The following CTU1 variants were observed in gnomAD, a reference collection of about 807,000 sequenced individuals.
CTU1 encodes the protein cytoplasmic tRNA 2-thiolation protein 1.
CTU1 carries 15 observed loss-of-function variants against 12.9 expected under a neutral mutation model. The ratio of observed to expected loss-of-function variants is 1.16; its 90% CI spans 0.78 to 1.79. The LOEUF is 1.79. CTU1 is among the 40% of genes most tolerant of loss of function. The pLI, the probability that CTU1 is intolerant of heterozygous loss-of-function variation, is 0.00. For missense variants in CTU1, 553 were observed against 550.5 expected (o/e 1.00, Z -0.05); for synonymous variants, 295 against 275.6 (o/e 1.07, Z -0.70).
At position 51,104,599 on chromosome 19, in the gene CTU1, GGAGA is replaced by G. The variant is rs1235429718; in HGVS notation, c.-21-13_-21-10del. 5.7e-6 allele frequency: 7 copies of G among 1,234,942 alleles called. No individual in the cohort carries two copies. Among genetic ancestry groups the G allele is most frequent in the Non-Finnish European group, 7.1e-6 (7 of 988,554 alleles). The allele number at this position is 1,234,942 out of a possible 1,614,324, so 76.5% of individuals were successfully genotyped here. On this transcript the variant is annotated splice_polypyrimidine_tract_variant and intron_variant, in intron 1 of 2. Transcript: ENST00000421832. ...GGAGGGGTCGGCTTCTCCTAGACAG[GGAGA>G]GAGAGGAGGTGGGTTACATATGGAT...
intron 2 of CTU1, among the ~76,000 whole-genome samples, chr19:51,099,880 T>C (rs1252190798): frequency 6.6e-6 from 1 of 152,116 alleles, no homozygotes; most frequent in Non-Finnish European, 1.5e-5. Context: ...CAGCTGACTT[T>C]ACAATAGGGA....
At chr19:51,107,192 G>A (rs1276426242) in intron 1 of CTU1, among the ~76,000 whole-genome samples, 1 of 152,204 alleles carries the variant, frequency 6.6e-6, no homozygotes, top group Admixed American at 6.5e-5. Flanking sequence ...GGTTTATTCA[G>A]GAGGAGATGG....
At chr19:51,101,997 C>G (rs1419521031) in intron 2 of CTU1, among the ~76,000 whole-genome samples, 1 of 152,026 alleles carries the variant, frequency 6.6e-6, no homozygotes, top group Non-Finnish European at 1.5e-5. Context: ...TCCGAGGCAG[C>G]CTCTCATTCT....
intron 1 of CTU1, among the ~76,000 whole-genome samples, chr19:51,107,691 T>C (rs753381822): frequency 1.3e-5 from 2 of 152,184 alleles, no homozygotes; most frequent in South Asian, 2.1e-4. Flanking sequence ...AAGGGTAACT[T>C]TGAGGTTCTG....
intron 2 of CTU1, among the ~76,000 whole-genome samples, chr19:51,101,475 C>A (rs1384436734): frequency 2.0e-5 from 3 of 152,114 alleles, no homozygotes; most frequent in African/African-American, 7.2e-5. Flanking sequence ...TGGGGCACTA[C>A]TATTAAATAG....
chr19:51,107,000 C>T (rs1282899462), intron 1 of CTU1, among the ~76,000 whole-genome samples: 1 of 152,184 alleles, frequency 6.6e-6, no homozygotes, highest in Non-Finnish European at 1.5e-5. Flanking sequence ...GAGCAGCCAC[C>T]ACCTTTCATC....
intron 1 of CTU1, among the ~76,000 whole-genome samples, chr19:51,105,099 G>C (rs534045731): frequency 6.6e-6 from 1 of 152,130 alleles, no homozygotes; most frequent in African/African-American, 2.4e-5. Context: ...TCTGTGCAGC[G>C]GGAGGTGGAA....
intron 2 of CTU1, among the ~76,000 whole-genome samples, chr19:51,102,831 T>C (rs73051088): frequency 0.22 from 27,253 of 121,778 alleles, 3,301 homozygotes; most frequent in East Asian, 0.58. Flanking sequence ...CCCTAATTCT[T>C]ACCCGCTTTA....
intron 2 of CTU1, 80 bp downstream of exon 2, chr19:51,103,982 C>G (rs1048301646): frequency 1.4e-4 from 178 of 1,318,520 alleles, no homozygotes; most frequent in African/African-American, 8.6e-4. Flanking sequence ...CCTGAATCCC[C>G]TTTCAGGTCC....
chr19:51,098,707 CG>C lies in CTU1; in HGVS notation c.940del (p.Arg314AlafsTer45). ...CCGGCGGCCCTTGCCGATGGCCAGGCGGGGCCGGCCGCGGTTCAGGCCGTCC... is the reference window on the plus strand; with the variant it reads ...CCGGCGGCCCTTGCCGATGGCCAGGCGGGCCGGCCGCGGTTCAGGCCGTCC... ...LLDGLNRGRP[R>X]LAIGKGRRGL... On this transcript the variant is annotated frameshift_variant, in exon 3 of 3. Coordinates refer to ENST00000421832, the MANE Select transcript of CTU1 (RefSeq NM_145232.4). LOFTEE classifies it low-confidence loss of function (END_TRUNC). This position sits in a 1 kb window ranked among gnomAD's most constrained non-coding sequence, Gnocchi z 4.3. The C allele has an allele frequency of 7.9e-7, 1 of 1,266,342 alleles. No homozygotes were observed. The highest frequency in any genetic ancestry group is 1.0e-6 in the Non-Finnish European group (1 of 1,001,258). The allele number at this position is 1,266,342 out of a possible 1,614,324, so 78.4% of individuals were successfully genotyped here.
At chr19:51,107,924 AG>A (rs1158245058) in intron 1 of CTU1, among the ~76,000 whole-genome samples, 1 of 152,150 alleles carries the variant, frequency 6.6e-6, no homozygotes, top group African/African-American at 2.4e-5. Context: ...AGGCAGGGAC[AG>A]GGTTGGTCTG....
intron 1 of CTU1, among the ~76,000 whole-genome samples, chr19:51,107,839 GCCTCCACC>G (rs1485886627): frequency 6.6e-6 from 1 of 152,138 alleles, no homozygotes; most frequent in Non-Finnish European, 1.5e-5. Context: ...TGAGTCGAGC[GCCTCCACC>G]AGGGCCCTCA....
At position 51,098,718 on chromosome 19, in the gene CTU1, G is replaced by T; in HGVS notation, c.930C>A (p.Arg310=). ...TGCCGATGGCCAGGCGGGGCCGGCC[G>T]CGGTTCAGGCCGTCCAGGAGCGCGC... is the stretch of plus-strand genomic sequence containing the variant. The part of the protein sequence containing the change: ...QACALLDGLN[R]GRPRLAIGKG... Residue 310 remains arginine (R), a synonymous_variant, in exon 3 of 3, where the codon CGC becomes CGA. Coordinates refer to ENST00000421832, the MANE Select transcript of CTU1 (RefSeq NM_145232.4). The surrounding 1 kb of genome is among the most constrained non-coding windows in gnomAD (Gnocchi z 4.3). 8.0e-7 allele frequency: 1 copy of T among 1,255,176 alleles called. No homozygotes were observed. The highest frequency in any genetic ancestry group is 1.0e-6 in the Non-Finnish European group (1 of 994,450). 77.8% of individuals were successfully genotyped at this position (1,255,176 alleles called of 1,614,324 possible). A position where few individuals can be genotyped will look rare whatever the true frequency, so the allele number is the denominator to read the frequency against.
chr19:51,102,488 C>G (rs1290457550), intron 2 of CTU1, among the ~76,000 whole-genome samples: 1 of 152,230 alleles, frequency 6.6e-6, no homozygotes, highest in Non-Finnish European at 1.5e-5. Context: ...TGGCACATGA[C>G]AGCCTCAGAA....
In CTU1 at chr19:51,098,739, C is replaced by G. The variant is rs757161423; in HGVS notation, c.909G>C (p.Ala303=). 92 of 1,202,032 alleles carry G rather than the reference C, an allele frequency of 7.7e-5. No homozygotes were observed. In the South Asian group the frequency reaches 1.6e-3, roughly 21 times the overall value. 74.5% of individuals were successfully genotyped at this position (1,202,032 alleles called of 1,614,324 possible). A position where few individuals can be genotyped will look rare whatever the true frequency, so the allele number is the denominator to read the frequency against. ...LASRALCQAC[A]LLDGLNRGRP... is the part of the protein sequence containing the mutation. ...GGCCGCGGTTCAGGCCGTCCAGGAG[C>G]GCGCAGGCCTGGCAGAGCGCGCGGC... is the stretch of plus-strand genomic sequence containing the variant. The change falls in exon 3 of 3, where the codon GCG becomes GCC. Residue 303 remains alanine (A), a synonymous_variant. Coordinates refer to ENST00000421832, the MANE Select transcript of CTU1 (RefSeq NM_145232.4). The surrounding 1 kb of genome is among the most constrained non-coding windows in gnomAD (Gnocchi z 4.3).
At chr19:51,101,521 T>C (rs2091907114) in intron 2 of CTU1, among the ~76,000 whole-genome samples, 1 of 152,036 alleles carries the variant, frequency 6.6e-6, no homozygotes, top group East Asian at 1.9e-4. Flanking sequence ...ACTGCTAAAA[T>C]CCTATAACAC....
At chr19:51,105,658 G>C (rs925467477) in intron 1 of CTU1, among the ~76,000 whole-genome samples, 2 of 152,212 alleles carry the variant, frequency 1.3e-5, no homozygotes, top group African/African-American at 4.8e-5. Context: ...GCAGAGACCA[G>C]TACCACTCAG....
chr19:51,104,193 G>A lies in CTU1; in HGVS notation c.377C>T (p.Thr126Met). The change falls in exon 2 of 3, where the codon ACG (threonine) becomes ATG (methionine). Residue 126 changes from threonine (T) to methionine (M), a missense_variant. Physicochemically the swap from Thr to Met is moderately conservative, Grantham distance 81. Transcript: ENST00000421832. ...TGTGCTGCGGGCCACGGCGTCCATC[G>A]TCCAGCCCCCAAAGAGGTCTTCGTA... Reference protein sequence around the residue: ...VAYEDLFGGWTMDAVARSTAG... With the variant: ...VAYEDLFGGWMMDAVARSTAG... 6.6e-7 allele frequency: 1 copy of A among 1,522,650 alleles called. No homozygotes were observed. Among genetic ancestry groups the A allele is most frequent in the Non-Finnish European group, 8.8e-7 (1 of 1,141,106 alleles). 94.3% of individuals were successfully genotyped at this position (1,522,650 alleles called of 1,614,324 possible).
chr19:51,103,302 G>A (rs1412425025), intron 2 of CTU1, among the ~76,000 whole-genome samples: 1 of 152,088 alleles, frequency 6.6e-6, no homozygotes, highest in Non-Finnish European at 1.5e-5. Context: ...TTGAAGGAAT[G>A]GATGAAAAAG....
Sources: allele counts gnomAD v4.1 joint callset (sites outside exome capture counted in the v4.1 genomes callset), GRCh38; gene constraint gnomAD v4.1.1; non-coding constraint Gnocchi (gnomAD v3.1); transcripts MANE v1.5; gene names NCBI Gene and HGNC (gene_info 2026-07-23, HGNC 2026-07-21).